The following NEGR1 variants were observed in gnomAD, a reference collection of about 807,000 sequenced individuals.
The protein encoded by NEGR1 is neuronal growth regulator 1, also known as IgLON family member 4.
Under a neutral mutation model 40.9 loss-of-function variants are expected in NEGR1, and 10 were observed. That is an observed-to-expected ratio of 0.24 (90% CI 0.15 to 0.42). NEGR1 has a LOEUF of 0.42. NEGR1 is among the 10% of genes least tolerant of loss of function. The probability of loss-of-function intolerance (pLI) is 1.00; values close to 1 mark genes in which losing one functional copy is unlikely to be tolerated. For missense variants in NEGR1, 352 were observed against 438.9 expected (o/e 0.80, Z 1.77); for synonymous variants, 185 against 166.8 (o/e 1.11, Z -0.84).
chr1:72,190,715 T>C (rs1427021465), intron 1 of NEGR1, among the ~76,000 whole-genome samples: 1 of 151,582 alleles, frequency 6.6e-6, no homozygotes, highest in Non-Finnish European at 1.5e-5. Flanking sequence ...AAGTATACAT[T>C]TGATAATGTA....
chr1:72,177,985 A>G (rs934619891), intron 1 of NEGR1, among the ~76,000 whole-genome samples: 7 of 152,014 alleles, frequency 4.6e-5, no homozygotes, highest in African/African-American at 1.7e-4. Context: ...TGTGTCTAGA[A>G]TCTCAAGGGC....
At chr1:72,080,018 C>A (rs1647922884) in intron 1 of NEGR1, among the ~76,000 whole-genome samples, 1 of 152,054 alleles carries the variant, frequency 6.6e-6, no homozygotes, top group Non-Finnish European at 1.5e-5. Flanking sequence ...TTACTTAGCT[C>A]ATTTGAGTCA....
At chr1:72,235,926 T>A (rs1189097096) in intron 1 of NEGR1, among the ~76,000 whole-genome samples, 2 of 151,982 alleles carry the variant, frequency 1.3e-5, no homozygotes, top group Admixed American at 1.3e-4. Context: ...AGTGAGGTAG[T>A]AAAACTCAAA....
intron 6 of NEGR1, among the ~76,000 whole-genome samples, chr1:71,535,457 T>A (rs761129292): frequency 9.2e-5 from 14 of 151,756 alleles, no homozygotes; most frequent in Non-Finnish European, 1.9e-4. Context: ...TAGAAAGGCT[T>A]TTAAAAGAAT....
At chr1:71,713,230 CT>C (rs1292455949) in intron 3 of NEGR1, among the ~76,000 whole-genome samples, 6 of 152,286 alleles carry the variant, frequency 3.9e-5, no homozygotes, top group African/African-American at 1.4e-4. Flanking sequence ...TATTGAGGTC[CT>C]TTTCTGCCAT....
chr1:71,772,818 C>A (rs959008282), intron 3 of NEGR1, among the ~76,000 whole-genome samples: 2 of 152,036 alleles, frequency 1.3e-5, no homozygotes, highest in Non-Finnish European at 2.9e-5. Context: ...AGTCTACCCA[C>A]AGAGAAATTG....
intron 6 of NEGR1, among the ~76,000 whole-genome samples, chr1:71,471,295 T>G (rs1458520860): frequency 1.3e-5 from 2 of 152,186 alleles, no homozygotes; most frequent in Admixed American, 1.3e-4. Context: ...AAATATTCTC[T>G]TGCTATGTTC....
At chr1:71,965,833 A>G (rs1173699617) in intron 1 of NEGR1, among the ~76,000 whole-genome samples, 5 of 152,190 alleles carry the variant, frequency 3.3e-5, no homozygotes, top group Admixed American at 2.6e-4. Flanking sequence ...TCCTTAGATA[A>G]CAGCTTTATT....
intron 3 of NEGR1, among the ~76,000 whole-genome samples, chr1:71,708,754 C>A (rs1447666001): frequency 1.3e-5 from 2 of 152,250 alleles, no homozygotes; most frequent in Non-Finnish European, 1.5e-5. Flanking sequence ...TCCCCCTCCC[C>A]ACAGGTGCCC....
intron 3 of NEGR1, among the ~76,000 whole-genome samples, chr1:71,757,742 A>T (rs1655791602): frequency 6.6e-6 from 1 of 152,100 alleles, no homozygotes; most frequent in South Asian, 2.1e-4. Context: ...CCCAGTAAAC[A>T]TTCTCCTCTT....
intron 1 of NEGR1, among the ~76,000 whole-genome samples, chr1:72,052,203 C>T (rs1008357895): frequency 6.6e-6 from 1 of 151,380 alleles, no homozygotes; most frequent in Non-Finnish European, 1.5e-5. Flanking sequence ...GAAAGTGCTT[C>T]GTCAGGGTTG....
intron 2 of NEGR1, among the ~76,000 whole-genome samples, chr1:71,780,082 A>AGAG (rs1263251144): frequency 6.7e-6 from 1 of 148,560 alleles, no homozygotes; most frequent in Non-Finnish European, 1.5e-5. Context: ...GAAAAAAAAT[A>AGAG]GAGGAGAGTT....
intron 1 of NEGR1, among the ~76,000 whole-genome samples, chr1:72,248,570 TTTTA>T (rs1342861352): frequency 2.4e-5 from 3 of 127,362 alleles, no homozygotes; most frequent in African/African-American, 8.7e-5. Flanking sequence ...AGACTTCTAT[TTTTA>T]TTTATTATTA....
At chr1:72,074,746 T>A (rs2100516352) in intron 1 of NEGR1, among the ~76,000 whole-genome samples, 1 of 152,250 alleles carries the variant, frequency 6.6e-6, no homozygotes, top group African/African-American at 2.4e-5. Flanking sequence ...TTCTATATTT[T>A]CAAATATGCC....
At chr1:71,981,144 T>C (rs1646351111) in intron 1 of NEGR1, among the ~76,000 whole-genome samples, 1 of 152,086 alleles carries the variant, frequency 6.6e-6, no homozygotes, top group Non-Finnish European at 1.5e-5. Context: ...ATGAATCTAA[T>C]AGTAGAGAGA....
intron 2 of NEGR1, among the ~76,000 whole-genome samples, chr1:71,890,091 C>T (rs1349893819): frequency 1.1e-4 from 15 of 130,888 alleles, no homozygotes; most frequent in Non-Finnish European, 1.9e-4. Context: ...AAGGAACAAC[C>T]GGTACCAGCC....
chr1:71,526,364 A>G (rs1468368811), intron 6 of NEGR1, among the ~76,000 whole-genome samples: 1 of 151,540 alleles, frequency 6.6e-6, no homozygotes, highest in Non-Finnish European at 1.5e-5. Context: ...TCTCATTCTT[A>G]CCTTTCTTAT....
At chr1:72,256,202 G>T (rs1165552769) in intron 1 of NEGR1, among the ~76,000 whole-genome samples, 1 of 152,162 alleles carries the variant, frequency 6.6e-6, no homozygotes, top group African/African-American at 2.4e-5. Context: ...ATACTGAATA[G>T]ATTTTCACCT....
chr1:72,122,637 G>A (rs574223460), intron 1 of NEGR1, among the ~76,000 whole-genome samples: 1 of 151,982 alleles, frequency 6.6e-6, no homozygotes, highest in Non-Finnish European at 1.5e-5. Flanking sequence ...CTTAGGGATT[G>A]CACAATGAGC....
Sources: gnomAD v4.1 joint callset for allele counts (sites outside exome capture counted in the v4.1 genomes callset) on GRCh38, gnomAD v4.1.1 for gene constraint, MANE v1.5 for transcripts, NCBI Gene and HGNC (gene_info 2026-07-23, HGNC 2026-07-21) for gene names.